Variants in ANKRD50 observed in about 807,000 individuals in gnomAD.
ANKRD50 encodes ankyrin repeat domain 50, also known as ankyrin repeat domain-containing protein 50.
ANKRD50 carries 40 observed loss-of-function variants against 112.0 expected under a neutral mutation model. The ratio of observed to expected loss-of-function variants is 0.36; its 90% CI spans 0.28 to 0.46. ANKRD50 has a LOEUF of 0.46. Among genes scored for constraint, ANKRD50 ranks in the 20% least tolerant of loss-of-function variants. The pLI, the probability that ANKRD50 is intolerant of heterozygous loss-of-function variation, is 1.00. For missense variants in ANKRD50, 1,487 were observed against 1,701.7 expected, an observed-to-expected ratio of 0.87 and a Z score of 2.22; for synonymous variants, 613 against 619.1, an observed-to-expected ratio of 0.99 and a Z score of 0.15.
chr4:124,672,704 C>T (rs759551868), intron 3 of ANKRD50, among the ~76,000 whole-genome samples, 170 bp from the exon 4 acceptor site: 3 of 151,952 alleles, frequency 2.0e-5, no homozygotes, highest in Non-Finnish European at 4.4e-5. Flanking sequence ...TTTCTTTCTG[C>T]AAAAACACAC....
rs776964769 is a variant in ANKRD50 at position 124,669,151 on chromosome 4, G to C, written c.4126C>G (p.Leu1376Val). Residue 1376 changes from leucine (L) to valine (V), a missense_variant, in exon 4 of 5, where the codon CTT becomes GTT. Leu to Val is a conservative substitution (Grantham distance 32, BLOSUM62 1). Transcript: ENST00000504087. ...NYHLQSNQVF[L>V]GRVSVPRTMQ... ...GTTCGTGGGACTGAAACCCTACCAAGAAAAACCTGGTTGCTCTGAAGATGA... is the reference window on the plus strand; with the variant it reads ...GTTCGTGGGACTGAAACCCTACCAACAAAAACCTGGTTGCTCTGAAGATGA... The C allele has an allele frequency of 6.2e-7, 1 of 1,613,632 alleles. No homozygotes were observed. The highest frequency in any genetic ancestry group is 8.5e-7 in the Non-Finnish European group (1 of 1,179,760).
At position 124,669,950 on chromosome 4, in the gene ANKRD50, G is replaced by C. The variant is rs1269254177; in HGVS notation, c.3327C>G (p.Ser1109=). ...KYGASSLNGC[S]PSPVHTMEQK... ...GCTCCATTGTGTGAACAGGAGATGG[G>C]GAACAGCCATTCAAACTAGATGCAC... The change falls in exon 4 of 5, where the codon TCC becomes TCG. Residue 1109 remains serine, a synonymous_variant. Transcript: ENST00000504087. The C allele has an allele frequency of 6.2e-7, 1 of 1,612,182 alleles. No individual in the cohort carries two copies. The highest frequency in any genetic ancestry group is 1.3e-5 in the African/African-American group (1 of 74,730).
At chr4:124,711,728 T>C (rs922095845) in intron 1 of ANKRD50, among the ~76,000 whole-genome samples, 6 of 151,554 alleles carry the variant, frequency 4.0e-5, no homozygotes, top group African/African-American at 1.5e-4. Flanking sequence ...TAGGGGAAGA[T>C]TACCAGGGTT....
intron 2 of ANKRD50, among the ~76,000 whole-genome samples, chr4:124,680,138 C>T (rs1427742507): frequency 6.6e-6 from 1 of 152,124 alleles, no homozygotes; most frequent in East Asian, 1.9e-4. Context: ...AGTTCTTTTC[C>T]ACTCCACTAA....
intron 2 of ANKRD50, among the ~76,000 whole-genome samples, chr4:124,680,696 C>A (rs990962158): frequency 4.6e-5 from 7 of 152,132 alleles, no homozygotes; most frequent in African/African-American, 1.7e-4. Flanking sequence ...ATAAGTACCA[C>A]TTCAGATATA....
intron 2 of ANKRD50, among the ~76,000 whole-genome samples, chr4:124,701,527 T>C (rs1045478065): frequency 6.6e-6 from 1 of 151,392 alleles, no homozygotes; most frequent in African/African-American, 2.4e-5. Flanking sequence ...AGCTAAAATG[T>C]GTATAGTAGA....
chr4:124,696,114 AAT>A (rs1291715139), intron 2 of ANKRD50, among the ~76,000 whole-genome samples: 2 of 152,148 alleles, frequency 1.3e-5, no homozygotes, highest in Non-Finnish European at 2.9e-5. Context: ...AACCATGACT[AAT>A]ATGTTAAAGA....
chr4:124,674,146 C>T (rs1394753374), intron 3 of ANKRD50, among the ~76,000 whole-genome samples: 2 of 151,846 alleles, frequency 1.3e-5, no homozygotes, highest in Admixed American at 1.3e-4. Flanking sequence ...ATACCTAGTA[C>T]ATTGCTAATA....
chr4:124,689,972 C>T (rs1434617882), intron 2 of ANKRD50, among the ~76,000 whole-genome samples: 1 of 152,120 alleles, frequency 6.6e-6, no homozygotes, highest in East Asian at 1.9e-4. Context: ...ATCCACAAAA[C>T]ATTTATATCT....
chr4:124,674,983 C>A (rs1452138891), intron 3 of ANKRD50, among the ~76,000 whole-genome samples: 2 of 151,556 alleles, frequency 1.3e-5, no homozygotes, highest in African/African-American at 2.4e-5. Flanking sequence ...ACATGTAATC[C>A]TCTTATTATG....
At chr4:124,698,080 C>G (rs942279667) in intron 2 of ANKRD50, among the ~76,000 whole-genome samples, 3 of 151,852 alleles carry the variant, frequency 2.0e-5, no homozygotes, top group Non-Finnish European at 4.4e-5. Flanking sequence ...ATGATATAGG[C>G]TGGGGGAGTG....
chr4:124,700,112 C>CTAA (rs1171506640), intron 2 of ANKRD50, among the ~76,000 whole-genome samples: 2 of 152,040 alleles, frequency 1.3e-5, no homozygotes, highest in Admixed American at 6.6e-5. Context: ...TCTAAAGATT[C>CTAA]AGTGAATAAG....
In ANKRD50 at chr4:124,710,587, GT is replaced by G; in HGVS notation, c.-77del. ...CTTTCCATCCATTATGACATAACTTGTATATTAAGTTGACTCTGAAGACAGA... is the reference window on the plus strand; with the variant it reads ...CTTTCCATCCATTATGACATAACTTGATATTAAGTTGACTCTGAAGACAGA... On this transcript the variant is annotated 5_prime_UTR_variant, in exon 2 of 5. Coordinates refer to ENST00000504087, the MANE Select transcript of ANKRD50 (RefSeq NM_020337.3). The G allele has an allele frequency of 6.8e-7, 1 of 1,466,322 alleles. No homozygotes were observed. The highest frequency in any genetic ancestry group is 1.4e-5 in the African/African-American group (1 of 71,066). The allele number at this position is 1,466,322 out of a possible 1,614,324, so 90.8% of individuals were successfully genotyped here.
intron 3 of ANKRD50, among the ~76,000 whole-genome samples, chr4:124,675,088 T>C (rs1730742651): frequency 6.6e-6 from 1 of 151,846 alleles, no homozygotes; most frequent in African/African-American, 2.4e-5. Context: ...CATGACTTAC[T>C]GAAATGATGG....
chr4:124,685,543 T>G (rs1482208316), intron 2 of ANKRD50, among the ~76,000 whole-genome samples: 1 of 152,156 alleles, frequency 6.6e-6, no homozygotes, highest in African/African-American at 2.4e-5. Flanking sequence ...TAAAACAGAC[T>G]TTTCTGTATT....
Position 124,710,096 on chromosome 4 carries a change from A to T in ANKRD50, c.416T>A (p.Leu139Gln). The T allele has an allele frequency of 6.2e-7, 1 of 1,614,200 alleles. No homozygotes were observed. The highest frequency in any genetic ancestry group is 8.5e-7 in the Non-Finnish European group (1 of 1,180,042). ...GLVAQICRSGLLQGYEDKLRD... is the reference protein window; with the variant it reads ...GLVAQICRSGQLQGYEDKLRD... Reference sequence around the variant, plus strand: ...TAGCTTGTCCTCATATCCTTGGAGTAGTCCACTGCGGCAGATCTGGGCTAC... The same window carrying T: ...TAGCTTGTCCTCATATCCTTGGAGTTGTCCACTGCGGCAGATCTGGGCTAC... Residue 139 changes from leucine to glutamine, a missense_variant, in exon 2 of 5, where the codon CTA becomes CAA. Leu to Gln is a moderately radical substitution (Grantham distance 113). Coordinates refer to ENST00000504087, the MANE Select transcript of ANKRD50 (RefSeq NM_020337.3).
At chr4:124,682,226 G>C (rs1170417643) in intron 2 of ANKRD50, among the ~76,000 whole-genome samples, 1 of 147,046 alleles carries the variant, frequency 6.8e-6, no homozygotes, top group Non-Finnish European at 1.5e-5. Context: ...TGAGGCAGGA[G>C]AATGGCGTGA....
At chr4:124,673,669 A>T (rs2110510074) in intron 3 of ANKRD50, among the ~76,000 whole-genome samples, 1 of 152,276 alleles carries the variant, frequency 6.6e-6, no homozygotes, top group East Asian at 1.9e-4. Context: ...CTCTGCCAAC[A>T]GGACTGAAAA....
Position 124,710,527 on chromosome 4 carries a change from T to G in ANKRD50, c.-16A>C. The stretch of plus-strand genomic sequence containing the variant: ...GATTAGTCATAACGGGTTTTTTATC[T>G]TCATTTGCTAGAGTCTGGATACATC... On this transcript the variant is annotated 5_prime_UTR_variant, in exon 2 of 5. Transcript: ENST00000504087. The G allele has an allele frequency of 6.3e-7, 1 of 1,598,302 alleles. No homozygotes were observed. Among genetic ancestry groups the G allele is most frequent in the East Asian group, 2.2e-5 (1 of 44,812 alleles).
Sources: gnomAD v4.1 joint callset for allele counts (sites outside exome capture counted in the v4.1 genomes callset) on GRCh38, gnomAD v4.1.1 for gene constraint, MANE v1.5 for transcripts, NCBI Gene and HGNC (gene_info 2026-07-23, HGNC 2026-07-21) for gene names.